Variants in HDAC9 observed in about 807,000 individuals in gnomAD.
The protein encoded by HDAC9 is histone deacetylase 9.
A neutral mutation model predicts 139.4 loss-of-function variants in HDAC9; 41 were observed. The ratio of observed to expected loss-of-function variants is 0.29; its 90% CI spans 0.23 to 0.38. The LOEUF is 0.38. HDAC9 is among the 10% of genes least tolerant of loss of function. The pLI is 1.00. For synonymous variants in HDAC9, 517 were observed against 476.2 expected (o/e 1.09, Z -1.12); for missense variants, 1,147 against 1,297.0 (o/e 0.88, Z 1.78).
At chr7:18,648,748 G>A in intron 11 of HDAC9, 65 bp downstream of exon 11, 2 of 1,319,200 alleles carry the variant, frequency 1.5e-6, no homozygotes, top group Non-Finnish European at 2.1e-6. Context: ...TCTCTTCACT[G>A]ATATGGGTGT....
At chr7:18,165,258 G>C (rs1479713084) in intron 2 of HDAC9, among the ~76,000 whole-genome samples, 6 of 152,168 alleles carry the variant, frequency 3.9e-5, no homozygotes, top group African/African-American at 1.2e-4. Flanking sequence ...CTCCCTGAAA[G>C]AGTATCGTGT....
intron 16 of HDAC9, among the ~76,000 whole-genome samples, chr7:18,779,720 G>A (rs929673571): frequency 2.6e-5 from 4 of 151,996 alleles, no homozygotes; most frequent in Admixed American, 2.6e-4. Context: ...ATCACTGGCA[G>A]CTATATGTGG....
At chr7:18,593,239 A>G (rs1378794942) in intron 5 of HDAC9, among the ~76,000 whole-genome samples, 1 of 152,130 alleles carries the variant, frequency 6.6e-6, no homozygotes, top group African/African-American at 2.4e-5. Context: ...TACATATGTA[A>G]TTATAGATAT....
intron 1 of HDAC9, among the ~76,000 whole-genome samples, chr7:18,425,467 AG>A (rs1474932913): frequency 6.6e-6 from 1 of 152,192 alleles, no homozygotes; most frequent in Non-Finnish European, 1.5e-5. Flanking sequence ...TGTTAGGGAG[AG>A]AGCTGCTATC....
Position 18,881,988 on chromosome 7 carries a change from C to T in HDAC9, c.2803+7392C>T, listed in dbSNP as rs540239919. On this transcript the variant is annotated intron_variant, in intron 22 of 25. Transcript: ENST00000686413. ...GGAATACTATGCAGCATTAATTCTTCGAAGTATTGTCTTATCCAGCTACCA... is the reference window on the plus strand; with the variant it reads ...GGAATACTATGCAGCATTAATTCTTTGAAGTATTGTCTTATCCAGCTACCA... Among the ~76,000 whole-genome samples the T allele has an allele frequency of 4.6e-5, 7 of 152,162 alleles. No individual in the cohort carries two copies. In the East Asian group the frequency reaches 5.8e-4, roughly 13 times the overall value.
intron 12 of HDAC9, among the ~76,000 whole-genome samples, chr7:18,706,767 A>C (rs752548331): frequency 2.6e-5 from 4 of 152,190 alleles, no homozygotes; most frequent in Non-Finnish European, 5.9e-5. Context: ...ACAACAAATA[A>C]TTATTTGGAC....
intron 24 of HDAC9, among the ~76,000 whole-genome samples, chr7:18,954,540 A>C (rs989937481): frequency 4.0e-5 from 6 of 151,584 alleles, no homozygotes; most frequent in Non-Finnish European, 7.4e-5. Context: ...TTTGTAATCC[A>C]ATCTTAATGA....
intron 16 of HDAC9, among the ~76,000 whole-genome samples, chr7:18,778,456 T>C (rs1189453942): frequency 3.3e-5 from 5 of 152,024 alleles, no homozygotes; most frequent in Non-Finnish European, 7.4e-5. Context: ...TCTGTAGGAA[T>C]GAGGCTCTAA....
intron 11 of HDAC9, among the ~76,000 whole-genome samples, chr7:18,649,950 C>A (rs1382290521): frequency 6.6e-6 from 1 of 152,154 alleles, no homozygotes; most frequent in Non-Finnish European, 1.5e-5. Flanking sequence ...CAGACCCTTT[C>A]TGTGTCATTA....
intron 2 of HDAC9, among the ~76,000 whole-genome samples, chr7:18,554,276 A>G (rs1196600840): frequency 6.6e-6 from 1 of 152,042 alleles, no homozygotes; most frequent in Non-Finnish European, 1.5e-5. Flanking sequence ...AGACAGGAAA[A>G]AAAAAGGCTG....
intron 16 of HDAC9, among the ~76,000 whole-genome samples, chr7:18,775,440 T>C (rs1324237234): frequency 6.6e-6 from 1 of 152,070 alleles, no homozygotes. Context: ...CCTGACGATC[T>C]GTAAGCACTT....
At chr7:18,522,789 T>C (rs1210367955) in intron 2 of HDAC9, among the ~76,000 whole-genome samples, 1 of 152,162 alleles carries the variant, frequency 6.6e-6, no homozygotes, top group African/African-American at 2.4e-5. Flanking sequence ...ATTTTCAATG[T>C]ATAATGTTTT....
chr7:18,990,810 T>C (rs1316453543), intron 25 of HDAC9, among the ~76,000 whole-genome samples: 1 of 152,244 alleles, frequency 6.6e-6, no homozygotes, highest in Non-Finnish European at 1.5e-5. Flanking sequence ...GACCTGATTT[T>C]CCAGGTGCCG....
chr7:18,997,359 G>A lies in HDAC9; in HGVS notation c.*1297G>A, dbSNP rs997594001. ...TAAACAAGTTTCCTTAGTGTCAAAA[G>A]TTAAAAATAAAGGACATTTATTTCT... On this transcript the variant is annotated 3_prime_UTR_variant, in exon 26 of 26. Transcript: ENST00000686413. 3 of 149,666 alleles carry A rather than the reference G, an allele frequency of 2.0e-5. No individual in the cohort carries two copies. The East Asian group carries it at 5.8e-4, about 29-fold the overall frequency. 9.3% of individuals were successfully genotyped at this position (149,666 alleles called of 1,614,324 possible).
At chr7:18,546,381 A>G (rs1413865413) in intron 2 of HDAC9, among the ~76,000 whole-genome samples, 1 of 152,134 alleles carries the variant, frequency 6.6e-6, no homozygotes, top group Non-Finnish European at 1.5e-5. Flanking sequence ...TGACTCTTAG[A>G]TTTGTCACCT....
intron 24 of HDAC9, among the ~76,000 whole-genome samples, chr7:18,973,736 C>T (rs936581723): frequency 1.3e-5 from 2 of 152,176 alleles, no homozygotes; most frequent in South Asian, 2.1e-4. Context: ...GCCAAAGATA[C>T]ATTTTCAACC....
intron 1 of HDAC9, among the ~76,000 whole-genome samples, chr7:18,161,699 AC>A (rs1439078204): frequency 6.6e-6 from 1 of 152,146 alleles, no homozygotes; most frequent in Non-Finnish European, 1.5e-5. Context: ...ATTACAAAAG[AC>A]CTCAAGAAGA....
chr7:18,181,705 C>G lies in HDAC9; in HGVS notation c.25+19356C>G, dbSNP rs190248721. 2.6e-3 allele frequency among the ~76,000 whole-genome samples: 394 copies of G among 152,164 alleles called. 1 individual carries two copies. The highest frequency in any genetic ancestry group is 8.9e-3 in the African/African-American group (370 of 41,504). On this transcript the variant is annotated intron_variant, in intron 2 of 12. Coordinates refer to the HDAC9 transcript ENST00000417496. ...AGCAGGCCTTTACAAACTACTCATA[C>G]CTGTCCCCCTACCCCACCTTGTGCT...
intron 2 of HDAC9, among the ~76,000 whole-genome samples, chr7:18,556,654 T>C (rs977594959): frequency 2.0e-5 from 3 of 152,060 alleles, no homozygotes; most frequent in African/African-American, 7.2e-5. Flanking sequence ...AAAATGTTCC[T>C]CTGGAAGTAA....
Sources: allele counts gnomAD v4.1 joint callset (sites outside exome capture counted in the v4.1 genomes callset), GRCh38; gene constraint gnomAD v4.1.1; transcripts MANE v1.5; gene names NCBI Gene and HGNC (gene_info 2026-07-23, HGNC 2026-07-21).